Variants in CNTNAP5 observed in about 807,000 individuals in gnomAD.
CNTNAP5 encodes contactin-associated protein-like 5.
A neutral mutation model predicts 150.2 loss-of-function variants in CNTNAP5; 72 were observed. The observed-to-expected ratio is 0.48, with a 90% confidence interval of 0.40 to 0.58. CNTNAP5 has a LOEUF of 0.58. CNTNAP5 is among the 20% of genes least tolerant of loss of function. CNTNAP5 has a pLI of 0.00. For synonymous variants in CNTNAP5, 672 were observed against 619.8 expected (o/e 1.08, Z -1.25); for missense variants, 1,636 against 1,626.2 (o/e 1.01, Z -0.10).
chr2:124,854,369 C>G (rs1200622781), intron 19 of CNTNAP5, among the ~76,000 whole-genome samples: 1 of 152,178 alleles, frequency 6.6e-6, no homozygotes, highest in Non-Finnish European at 1.5e-5. Context: ...ATTCTCATTA[C>G]AGTTTTACTT....
intron 3 of CNTNAP5, among the ~76,000 whole-genome samples, chr2:124,392,111 T>A (rs971831543): frequency 1.3e-5 from 2 of 152,154 alleles, no homozygotes; most frequent in African/African-American, 4.8e-5. Flanking sequence ...CCATCTCTGT[T>A]CTGTGCCCAG....
chr2:124,221,777 C>T lies in CNTNAP5; in HGVS notation c.155C>T (p.Thr52Ile). Residue 52 changes from threonine (T) to isoleucine (I), a missense_variant, in exon 2 of 24, where the codon ACT (threonine) becomes ATT (isoleucine). By Grantham distance (89) the Thr-to-Ile change is moderately conservative (BLOSUM62 -1). Coordinates refer to ENST00000682447, the MANE Select transcript of CNTNAP5 (RefSeq NM_001367498.1). ...TCCAGTTCCTCAGACCTCACTGGCA[C>T]TCACAGCCCAGCTCAACTCAACTGG... ...AFSSSSDLTG[T>I]HSPAQLNWRV... is the part of the protein sequence containing the mutation. The T allele has an allele frequency of 6.2e-7, 1 of 1,610,844 alleles. No homozygotes were observed.
rs1388175138 is a variant in CNTNAP5 at position 124,921,043 on chromosome 2, C to T, written c.*6755C>T. The stretch of plus-strand genomic sequence containing the variant: ...AAATCCCAAGTGATGTTGCCTCATT[C>T]CAAGTCAGTTTTGTAGACCATGTAA... On this transcript the variant is annotated 3_prime_UTR_variant, in exon 24 of 24. Transcript: ENST00000682447. 6.6e-6 allele frequency among the ~76,000 whole-genome samples: 1 copy of T among 152,084 alleles called. No individual in the cohort carries two copies. The highest frequency in any genetic ancestry group is 1.5e-5 in the Non-Finnish European group (1 of 68,018).
intron 2 of CNTNAP5, among the ~76,000 whole-genome samples, chr2:124,222,046 GAGGTCT>G: frequency 6.6e-6 from 1 of 152,122 alleles, no homozygotes; most frequent in Middle Eastern, 3.4e-3. Context: ...ATTATCACGA[GAGGTCT>G]TTGTGAAAAT....
At chr2:124,108,594 A>G (rs560813707) in intron 1 of CNTNAP5, among the ~76,000 whole-genome samples, 1 of 152,292 alleles carries the variant, frequency 6.6e-6, no homozygotes, top group South Asian at 2.1e-4. Flanking sequence ...TAAAATGCCT[A>G]CGTTCCTCTC....
At chr2:124,187,672 T>C (rs1332752348) in intron 1 of CNTNAP5, among the ~76,000 whole-genome samples, 2 of 152,212 alleles carry the variant, frequency 1.3e-5, no homozygotes, top group Non-Finnish European at 2.9e-5. Flanking sequence ...CTGAGGTTCA[T>C]ATACTTTTAC....
At chr2:124,806,885 C>A (rs973108247) in intron 19 of CNTNAP5, among the ~76,000 whole-genome samples, 21 of 149,890 alleles carry the variant, frequency 1.4e-4, no homozygotes, top group African/African-American at 3.4e-4. Flanking sequence ...GACCAAAGAA[C>A]AGGCTAGTTA....
chr2:124,560,463 G>A (rs1177508034), intron 10 of CNTNAP5, among the ~76,000 whole-genome samples: 2 of 151,186 alleles, frequency 1.3e-5, no homozygotes, highest in East Asian at 1.9e-4. Flanking sequence ...AGGTTGCAGT[G>A]GGCTGAGATC....
intron 4 of CNTNAP5, among the ~76,000 whole-genome samples, chr2:124,429,105 C>T (rs1692308814): frequency 6.6e-6 from 1 of 152,194 alleles, no homozygotes; most frequent in African/African-American, 2.4e-5. Flanking sequence ...GATACTACCT[C>T]ATGAGGAAAA....
At chr2:124,619,205 A>G (rs974628698) in intron 12 of CNTNAP5, among the ~76,000 whole-genome samples, 5 of 152,134 alleles carry the variant, frequency 3.3e-5, no homozygotes, top group African/African-American at 1.2e-4. Context: ...TTGGGTCGGT[A>G]GGGAAAGATG....
intron 12 of CNTNAP5, among the ~76,000 whole-genome samples, chr2:124,613,211 T>C (rs931889815): frequency 2.0e-5 from 3 of 152,352 alleles, no homozygotes; most frequent in African/African-American, 4.8e-5. Context: ...AAGTTGAATG[T>C]TGTTAAAACA....
intron 3 of CNTNAP5, among the ~76,000 whole-genome samples, chr2:124,396,841 A>T (rs1691260324): frequency 6.6e-6 from 1 of 152,204 alleles, no homozygotes. Context: ...TAACGATAAC[A>T]ACTGTTTAAT....
intron 13 of CNTNAP5, among the ~76,000 whole-genome samples, chr2:124,676,540 T>C (rs1346442825): frequency 2.0e-5 from 3 of 152,240 alleles, no homozygotes; most frequent in Non-Finnish European, 4.4e-5. Context: ...GCTGCTCCCA[T>C]GGACTGATAT....
At chr2:124,057,603 T>G (rs753321783) in intron 1 of CNTNAP5, among the ~76,000 whole-genome samples, 8 of 151,872 alleles carry the variant, frequency 5.3e-5, no homozygotes, top group Non-Finnish European at 7.4e-5. Flanking sequence ...AAGTCCATTC[T>G]TAATTCATAG....
intron 13 of CNTNAP5, among the ~76,000 whole-genome samples, chr2:124,672,251 C>T (rs1171002572): frequency 6.6e-6 from 1 of 152,102 alleles, no homozygotes; most frequent in Non-Finnish European, 1.5e-5. Context: ...TAAGGGCCCA[C>T]CCATTTGCCC....
At chr2:124,508,679 A>C (rs1435390960) in intron 8 of CNTNAP5, among the ~76,000 whole-genome samples, 1 of 152,218 alleles carries the variant, frequency 6.6e-6, no homozygotes, top group African/African-American at 2.4e-5. Flanking sequence ...ATAAGCAAAA[A>C]GAAGTTTTTA....
At chr2:124,296,826 A>T (rs1221042427) in intron 3 of CNTNAP5, among the ~76,000 whole-genome samples, 1 of 152,202 alleles carries the variant, frequency 6.6e-6, no homozygotes, top group Non-Finnish European at 1.5e-5. Flanking sequence ...CAGGAAAAGG[A>T]TAGCTGCAGT....
chr2:124,665,885 C>CAAA lies in CNTNAP5; in HGVS notation c.2077+17939_2077+17941dup, dbSNP rs34611958. Among the ~76,000 whole-genome samples the CAAA allele has an allele frequency of 5.7e-3, 816 of 142,306 alleles. 9 individuals are homozygous for CAAA. The highest frequency in any genetic ancestry group is 0.016 in the African/African-American group (630 of 38,238). The allele number at this position is 142,306 out of a possible 152,430, so 93.4% of individuals were successfully genotyped here. A position where few individuals can be genotyped will look rare whatever the true frequency, so the allele number is the denominator to read the frequency against. On this transcript the variant is annotated intron_variant, in intron 13 of 23. Coordinates refer to ENST00000682447, the MANE Select transcript of CNTNAP5 (RefSeq NM_001367498.1). ...TGGGCGACAGAGCAAGACTCCGTCT[C>CAAA]AAAAAAAAAAAAAATTATACATATT... is the stretch of plus-strand genomic sequence containing the variant.
At position 124,653,910 on chromosome 2, in the gene CNTNAP5, A is replaced by AACC. The variant is rs1678374672; in HGVS notation, c.2077+5953_2077+5955dup. On this transcript the variant is annotated intron_variant, in intron 13 of 23. Coordinates refer to ENST00000682447, the MANE Select transcript of CNTNAP5 (RefSeq NM_001367498.1). Reference sequence around the variant, plus strand: ...ACAGAAACATGCCCCCACTGCCCCCAACCCCCCCCCCCCGCCACACACACA... The same window carrying AACC: ...ACAGAAACATGCCCCCACTGCCCCCAACCACCCCCCCCCCCCGCCACACACACA... Among the ~76,000 whole-genome samples, 3 of 18,404 alleles carry AACC rather than the reference A, an allele frequency of 1.6e-4. No individual in the cohort carries two copies. The East Asian group carries it at 6.3e-3, about 39-fold the overall frequency. 12.1% of individuals were successfully genotyped at this position (18,404 alleles called of 152,430 possible).
Sources: gnomAD v4.1 joint callset for allele counts (sites outside exome capture counted in the v4.1 genomes callset) on GRCh38, gnomAD v4.1.1 for gene constraint, MANE v1.5 for transcripts, NCBI Gene and HGNC (gene_info 2026-07-23, HGNC 2026-07-21) for gene names.